Variants in SHCBP1L observed in about 807,000 individuals in gnomAD.
SHCBP1L encodes the protein testicular spindle-associated protein SHCBP1L.
Under a neutral mutation model 62.5 loss-of-function variants are expected in SHCBP1L, and 67 were observed. The observed-to-expected ratio is 1.07, with a 90% CI of 0.88 to 1.31. The LOEUF is 1.31. Ranked by LOEUF, SHCBP1L falls within the 40% of genes most tolerant of loss-of-function variation. The probability of loss-of-function intolerance (pLI) is 0.00; values close to 1 mark genes in which losing one functional copy is unlikely to be tolerated. For missense variants in SHCBP1L, 823 were observed against 809.8 expected (o/e 1.02, Z -0.20); for synonymous variants, 284 against 289.4 (o/e 0.98, Z 0.19).
At chr1:182,942,234 C>T in intron 2 of SHCBP1L, 2 of 1,360,988 alleles carry the variant, frequency 1.5e-6, no homozygotes, top group East Asian at 2.3e-5. Context: ...CCCTTTGCTC[C>T]CCTTTTCCCT....
chr1:182,900,857 A>G (rs1026973553), intron 9 of SHCBP1L, among the ~76,000 whole-genome samples: 7 of 152,008 alleles, frequency 4.6e-5, no homozygotes, highest in African/African-American at 1.7e-4. Context: ...ATATAGCAAG[A>G]CCCTATTCTC....
rs1481312446 is a variant in SHCBP1L, at chr1:182,929,688, T to A, written c.1141A>T (p.Thr381Ser). Residue 381 changes from threonine to serine, a missense_variant, in exon 6 of 10, where the codon ACT becomes TCT. Thr to Ser is a moderately conservative substitution (Grantham distance 58, BLOSUM62 1). Transcript: ENST00000367547. ...ATTTTTGCTACAATATGTGTTATAG[T>A]CTTTCCAAATTCTCTTTTTCCTTTC... ...RRKGKREFGK[T>S]ITHIVAKMMT... 6.3e-7 allele frequency: 1 copy of A among 1,594,352 alleles called. No homozygotes were observed. Among genetic ancestry groups the A allele is most frequent in the Non-Finnish European group, 8.5e-7 (1 of 1,175,078 alleles).
chr1:182,915,405 T>C (rs1394401978), intron 6 of SHCBP1L, among the ~76,000 whole-genome samples: 5 of 152,066 alleles, frequency 3.3e-5, no homozygotes, highest in South Asian at 2.1e-4. Context: ...CCAATAAGCA[T>C]ATGCAAACCA....
intron 6 of SHCBP1L, 40 bp from the exon 7 acceptor site, chr1:182,905,689 T>C (rs1649990965): frequency 6.3e-7 from 1 of 1,582,274 alleles, no homozygotes; most frequent in Non-Finnish European, 8.6e-7. Flanking sequence ...AATAATAGGT[T>C]AAACTGAAAC....
intron 2 of SHCBP1L, among the ~76,000 whole-genome samples, chr1:182,947,021 G>T (rs191755907): frequency 6.1e-4 from 93 of 152,224 alleles, no homozygotes; most frequent in Middle Eastern, 3.4e-3. Flanking sequence ...TGGATCACCT[G>T]AGGTCAAGAG....
chr1:182,916,342 C>T (rs1650355154), intron 6 of SHCBP1L, among the ~76,000 whole-genome samples: 1 of 151,734 alleles, frequency 6.6e-6, no homozygotes, highest in Non-Finnish European at 1.5e-5. Context: ...AAACCCAAAG[C>T]CAACAGTAAA....
At chr1:182,914,102 G>C (rs763451010) in intron 6 of SHCBP1L, among the ~76,000 whole-genome samples, 1 of 152,182 alleles carries the variant, frequency 6.6e-6, no homozygotes, top group Non-Finnish European at 1.5e-5. Context: ...TTTCTCATCA[G>C]AAACCATGGA....
At position 182,953,075 on chromosome 1, in the gene SHCBP1L, T is replaced by G; in HGVS notation, c.59A>C (p.Asp20Ala). ...PADSFRTISP[D>A]RRGEKSASAV... The stretch of plus-strand genomic sequence containing the variant: ...GGAGGCGGACTTCTCGCCTCGCCTG[T>G]CCGGGCTGATGGTGCGGAATGAGTC... Residue 20 changes from aspartate (D) to alanine (A), a missense_variant, in exon 1 of 10, where the codon GAC becomes GCC. Coordinates refer to ENST00000367547, the MANE Select transcript of SHCBP1L (RefSeq NM_030933.4). 6.4e-7 allele frequency: 1 copy of G among 1,555,640 alleles called. No individual in the cohort carries two copies. Among genetic ancestry groups the G allele is most frequent in the Non-Finnish European group, 8.6e-7 (1 of 1,157,338 alleles).
At chr1:182,901,081 G>A (rs1179975344) in intron 9 of SHCBP1L, among the ~76,000 whole-genome samples, 1 of 152,210 alleles carries the variant, frequency 6.6e-6, no homozygotes, top group Non-Finnish European at 1.5e-5. Flanking sequence ...TGGGTGGGGA[G>A]AGGTTACCAC....
intron 6 of SHCBP1L, among the ~76,000 whole-genome samples, chr1:182,913,404 G>A (rs2101926181): frequency 6.6e-6 from 1 of 152,258 alleles, no homozygotes; most frequent in South Asian, 2.1e-4. Context: ...GGGGTCTGCT[G>A]GAGAACTGAT....
chr1:182,915,161 CAAAAAAAAAAAAAAAAAAAAAA>C (rs371432299), intron 6 of SHCBP1L, among the ~76,000 whole-genome samples: 4 of 31,908 alleles, frequency 1.3e-4, no homozygotes, highest in Admixed American at 4.7e-4. Context: ...GACTCTGTCT[CAAAAAAAAAAAAAAAAAAAAAA>C]AAAAAAAAAA....
chr1:182,925,098 G>T, intron 6 of SHCBP1L, among the ~76,000 whole-genome samples: 1 of 151,336 alleles, frequency 6.6e-6, no homozygotes, highest in East Asian at 1.9e-4. Context: ...AGGAAGGAAA[G>T]AAGTGAAGAA....
At chr1:182,934,380 T>C (rs1651101311) in intron 5 of SHCBP1L, among the ~76,000 whole-genome samples, 1 of 152,170 alleles carries the variant, frequency 6.6e-6, no homozygotes, top group Non-Finnish European at 1.5e-5. Context: ...ATTTTAGCCA[T>C]TTCTAATAGG....
chr1:182,923,409 CA>C (rs936131351), intron 6 of SHCBP1L, among the ~76,000 whole-genome samples: 4 of 151,960 alleles, frequency 2.6e-5, no homozygotes, highest in African/African-American at 7.3e-5. Flanking sequence ...GCAGAAGCAT[CA>C]AAAAAAGTAA....
chr1:182,915,117 G>C lies in SHCBP1L; in HGVS notation c.1183-9468C>G, dbSNP rs371861194. Among the ~76,000 whole-genome samples the C allele has an allele frequency of 2.9e-4, 35 of 119,922 alleles. No individual in the cohort carries two copies. In the South Asian group the frequency reaches 8.9e-3, roughly 31 times the overall value. The allele number at this position is 119,922 out of a possible 152,430, so 78.7% of individuals were successfully genotyped here. On this transcript the variant is annotated intron_variant, in intron 6 of 9. Coordinates refer to ENST00000367547, the MANE Select transcript of SHCBP1L (RefSeq NM_030933.4). ...GCGGAAGTTGCAGTGAGCTGAGATC[G>C]CACCATTGCACTCCATTCTGGGCAA...
Position 182,927,050 on chromosome 1 carries a change from CTATATATATATATATATA to C in SHCBP1L, c.1182+2579_1182+2596del, listed in dbSNP as rs58308065. ...TTAGAGCCCATGCTCTTAACTAGCACTATATATATATATATATATATATATATATATATATATATATAT... is the reference window on the plus strand; with the variant it reads ...TTAGAGCCCATGCTCTTAACTAGCACTATATATATATATATATATATATAT... On this transcript the variant is annotated intron_variant, in intron 6 of 9. Transcript: ENST00000367547. 9.6e-3 allele frequency among the ~76,000 whole-genome samples: 870 copies of C among 90,446 alleles called. 13 individuals carry two copies. The highest frequency in any genetic ancestry group is 0.012 in the Non-Finnish European group (522 of 45,040). The allele number at this position is 90,446 out of a possible 152,430, so 59.3% of individuals were successfully genotyped here. A position where few individuals can be genotyped will look rare whatever the true frequency, so the allele number is the denominator to read the frequency against.
intron 6 of SHCBP1L, among the ~76,000 whole-genome samples, chr1:182,909,976 T>A (rs930063111): frequency 7.9e-5 from 12 of 152,228 alleles, no homozygotes; most frequent in African/African-American, 2.9e-4. Flanking sequence ...AGTTTTTCTC[T>A]GCAAGGTAAG....
Position 182,904,960 on chromosome 1 carries a change from T to C in SHCBP1L, c.1337-530A>G, listed in dbSNP as rs147471019. 2.7e-3 allele frequency among the ~76,000 whole-genome samples: 409 copies of C among 152,240 alleles called. 1 individual carries two copies. Among genetic ancestry groups the C allele is most frequent in the African/African-American group, 9.1e-3 (380 of 41,544 alleles). ...TGGGGTTTCACTATGTTGCCCAGAC[T>C]GCTCTCAAACTCCAGGACTCTAGCA... On this transcript the variant is annotated intron_variant, in intron 7 of 9. Coordinates refer to ENST00000367547, the MANE Select transcript of SHCBP1L (RefSeq NM_030933.4).
At chr1:182,947,744 T>C (rs1366460057) in intron 2 of SHCBP1L, among the ~76,000 whole-genome samples, 1 of 152,218 alleles carries the variant, frequency 6.6e-6, no homozygotes, top group Non-Finnish European at 1.5e-5. Context: ...TTTTCTTTTA[T>C]GAGACAGGGT....
Sources: gnomAD v4.1 joint callset for allele counts (sites outside exome capture counted in the v4.1 genomes callset) on GRCh38, gnomAD v4.1.1 for gene constraint, MANE v1.5 for transcripts, NCBI Gene and HGNC (gene_info 2026-07-23, HGNC 2026-07-21) for gene names.